The following PPM1G variants were observed in gnomAD, a reference collection of about 807,000 sequenced individuals.
PPM1G encodes the protein protein phosphatase 1G.
Under a neutral mutation model 59.4 loss-of-function variants are expected in PPM1G, and 12 were observed. The ratio of observed to expected loss-of-function variants is 0.20; its 90% CI spans 0.13 to 0.33. The LOEUF is 0.33. PPM1G is among the 10% of genes least tolerant of loss of function. PPM1G has a pLI of 1.00. For synonymous variants in PPM1G, 245 were observed against 251.9 expected (o/e 0.97, Z 0.26); for missense variants, 392 against 681.3 (o/e 0.58, Z 4.73).
At chr2:27,404,515 A>G (rs996552298) in intron 1 of PPM1G, among the ~76,000 whole-genome samples, 2 of 149,632 alleles carry the variant, frequency 1.3e-5, no homozygotes, top group Non-Finnish European at 3.0e-5. Context: ...AAGCCACTAC[A>G]CTCCAGCCCG....
chr2:27,387,396 A>C (rs1480389599), intron 1 of PPM1G, among the ~76,000 whole-genome samples: 1 of 152,188 alleles, frequency 6.6e-6, no homozygotes. Flanking sequence ...AATAACCTCA[A>C]CCTAGGAGAT....
rs907564160 is a variant in PPM1G at position 27,381,410 on chromosome 2, G to T, written c.*189C>A. The T allele has an allele frequency of 3.2e-6, 2 of 628,486 alleles. No homozygotes were observed. Among genetic ancestry groups the T allele is most frequent in the East Asian group, 5.5e-5 (2 of 36,050 alleles). The allele number at this position is 628,486 out of a possible 1,614,324, so 38.9% of individuals were successfully genotyped here. On this transcript the variant is annotated 3_prime_UTR_variant, in exon 10 of 10. Transcript: ENST00000344034. Reference sequence around the variant, plus strand: ...TGAGCCCGAGGAGCAGAGGCGGCTGGGAAGGACAGCAGAGGCTCCCGGCTG... The same window carrying T: ...TGAGCCCGAGGAGCAGAGGCGGCTGTGAAGGACAGCAGAGGCTCCCGGCTG...
rs1683753870 is a variant in PPM1G, at chr2:27,385,957, C to G, written c.277-78G>C. On this transcript the variant is annotated intron_variant, in intron 3 of 9. Coordinates refer to ENST00000344034, the MANE Select transcript of PPM1G (RefSeq NM_177983.3). The surrounding 1 kb of genome is among the most constrained non-coding windows in gnomAD (Gnocchi z 4.1). Reference sequence around the variant, plus strand: ...CAATCCTGAGCACAAGGATGGAATACAAATTAAGAGTGTGAGCCACCACAC... The same window carrying G: ...CAATCCTGAGCACAAGGATGGAATAGAAATTAAGAGTGTGAGCCACCACAC... The G allele has an allele frequency of 4.7e-6, 7 of 1,504,118 alleles. No individual in the cohort carries two copies. In the East Asian group the frequency reaches 1.6e-4, roughly 34 times the overall value. 93.2% of individuals were successfully genotyped at this position (1,504,118 alleles called of 1,614,324 possible).
At chr2:27,405,179 T>C (rs1014072849) in intron 1 of PPM1G, among the ~76,000 whole-genome samples, 2 of 149,942 alleles carry the variant, frequency 1.3e-5, no homozygotes, top group Non-Finnish European at 3.0e-5. Context: ...GTTCAAGCGA[T>C]TCTCCTGCCT....
At chr2:27,394,723 C>T (rs935188453) in intron 1 of PPM1G, among the ~76,000 whole-genome samples, 2 of 122,010 alleles carry the variant, frequency 1.6e-5, no homozygotes, top group Admixed American at 1.0e-4. Context: ...CGCCTGGTGA[C>T]AGAGTGAGAC....
In PPM1G at chr2:27,383,410, A is replaced by G. The variant is rs146853264; in HGVS notation, c.1157T>C (p.Met386Thr). The part of the protein sequence containing the change: ...RIKNAGGKVT[M>T]DGRVNGGLNL... ...GAGGCCCCCGTTGACTCGCCCATCCATGGTGACCTTGCCACCAGCATTCTT... is the reference window on the plus strand; with the variant it reads ...GAGGCCCCCGTTGACTCGCCCATCCGTGGTGACCTTGCCACCAGCATTCTT... Residue 386 changes from methionine (M) to threonine (T), a missense_variant, in exon 7 of 10, where the codon ATG (methionine) becomes ACG (threonine). Transcript: ENST00000344034. This position sits in a 1 kb window ranked among gnomAD's most constrained non-coding sequence, Gnocchi z 5.0. 11 of 1,614,064 alleles carry G rather than the reference A, an allele frequency of 6.8e-6. No individual in the cohort carries two copies. Among genetic ancestry groups the G allele is most frequent in the Non-Finnish European group, 9.3e-6 (11 of 1,180,050 alleles).
intron 1 of PPM1G, among the ~76,000 whole-genome samples, chr2:27,391,417 G>T (rs1424094100): frequency 6.6e-6 from 1 of 152,176 alleles, no homozygotes; most frequent in Non-Finnish European, 1.5e-5. Flanking sequence ...GTTCTAATTT[G>T]CATTTGTCTG....
intron 1 of PPM1G, among the ~76,000 whole-genome samples, chr2:27,401,500 T>C (rs1572668769): frequency 6.6e-6 from 1 of 152,158 alleles, no homozygotes; most frequent in East Asian, 1.9e-4. Context: ...CTAAAACTGA[T>C]TGTGGTGACA....
intron 1 of PPM1G, among the ~76,000 whole-genome samples, chr2:27,404,108 T>C (rs1025888657): frequency 6.6e-6 from 1 of 151,754 alleles, no homozygotes; most frequent in Admixed American, 6.6e-5. Context: ...AATTTTCTGC[T>C]CAATACTATC....
Position 27,381,445 on chromosome 2 carries a change from G to T in PPM1G, c.*154C>A. The stretch of plus-strand genomic sequence containing the variant: ...CAGAGGCTCCCGGCTGCAGTGTGGA[G>T]GGAGAGCCCTCTTTGGAATGGGCGG... On this transcript the variant is annotated 3_prime_UTR_variant, in exon 10 of 10. Coordinates refer to ENST00000344034, the MANE Select transcript of PPM1G (RefSeq NM_177983.3). 1.3e-6 allele frequency: 1 copy of T among 781,700 alleles called. No homozygotes were observed. 48.4% of individuals were successfully genotyped at this position (781,700 alleles called of 1,614,324 possible).
rs575428167 is a variant in PPM1G at position 27,401,554 on chromosome 2, G to A, written c.120+7749C>T. Reference sequence around the variant, plus strand: ...AATACACTACAAAACAGGCAGGCACGGTGGCTCATGCCTGTAATCCCAGCA... The same window carrying A: ...AATACACTACAAAACAGGCAGGCACAGTGGCTCATGCCTGTAATCCCAGCA... On this transcript the variant is annotated intron_variant, in intron 1 of 9. Transcript: ENST00000344034. Among the ~76,000 whole-genome samples the A allele has an allele frequency of 9.8e-5, 15 of 152,296 alleles. No homozygotes were observed. The South Asian group carries it at 2.7e-3, about 27-fold the overall frequency.
At chr2:27,390,778 A>G (rs1210980057) in intron 1 of PPM1G, among the ~76,000 whole-genome samples, 1 of 152,106 alleles carries the variant, frequency 6.6e-6, no homozygotes, top group Non-Finnish European at 1.5e-5. Context: ...ATAGTATCAA[A>G]TAGGTAGTTT....
At chr2:27,390,805 C>T (rs1019003234) in intron 1 of PPM1G, among the ~76,000 whole-genome samples, 1 of 152,058 alleles carries the variant, frequency 6.6e-6, no homozygotes, top group African/African-American at 2.4e-5. Context: ...TGTTCCTCTG[C>T]CACACAACCC....
chr2:27,387,180 C>T lies in PPM1G; in HGVS notation c.121-22G>A, dbSNP rs977887896. 1.0e-5 allele frequency: 16 copies of T among 1,591,118 alleles called. No homozygotes were observed. In the East Asian group the frequency reaches 1.6e-4, roughly 16 times the overall value. ...CATCCTAGGAAAAGAAGAGCATAAT[C>T]GGCATGTCTCAAGGTCGAAGAATAT... On this transcript the variant is annotated intron_variant, in intron 1 of 9. Coordinates refer to ENST00000344034, the MANE Select transcript of PPM1G (RefSeq NM_177983.3).
At chr2:27,407,476 A>G (rs1330984798) in intron 1 of PPM1G, among the ~76,000 whole-genome samples, 2 of 152,116 alleles carry the variant, frequency 1.3e-5, no homozygotes, top group Non-Finnish European at 2.9e-5. Context: ...CATGTTGCCC[A>G]GGCTGGTCTC....
intron 9 of PPM1G, 21 bp from the exon 10 acceptor site, chr2:27,381,826 G>C: frequency 6.2e-7 from 1 of 1,609,740 alleles, no homozygotes; most frequent in Non-Finnish European, 8.5e-7. Context: ...GATGGGGGTA[G>C]CTCAGCCACA....
chr2:27,382,689 T>A lies in PPM1G; in HGVS notation c.1202-84A>T. The stretch of plus-strand genomic sequence containing the variant: ...GGCAGGTCAAACCTTGCCATTCATT[T>A]CCCTTCTTTACAAAGTTCCATAATC... On this transcript the variant is annotated intron_variant, in intron 7 of 9. Coordinates refer to ENST00000344034, the MANE Select transcript of PPM1G (RefSeq NM_177983.3). The surrounding 1 kb of genome is among the most constrained non-coding windows in gnomAD (Gnocchi z 4.2). 1 of 1,532,514 alleles carries A rather than the reference T, an allele frequency of 6.5e-7. No individual in the cohort carries two copies. The highest frequency in any genetic ancestry group is 1.2e-5 in the South Asian group (1 of 85,468). The allele number at this position is 1,532,514 out of a possible 1,614,324, so 94.9% of individuals were successfully genotyped here. A position where few individuals can be genotyped will look rare whatever the true frequency, so the allele number is the denominator to read the frequency against.
chr2:27,392,683 TG>T, intron 1 of PPM1G: 1 of 745,086 alleles, frequency 1.3e-6, no homozygotes, highest in Non-Finnish European at 2.4e-6. Context: ...GTGGGTGTCT[TG>T]GAACAACTTA....
Position 27,385,740 on chromosome 2 carries a change from C to A in PPM1G, c.409+7G>T. 1 of 1,608,468 alleles carries A rather than the reference C, an allele frequency of 6.2e-7. No individual in the cohort carries two copies. Among genetic ancestry groups the A allele is most frequent in the Admixed American group, 1.7e-5 (1 of 58,300 alleles). On this transcript the variant is annotated splice_region_variant and intron_variant, in intron 4 of 9. Coordinates refer to ENST00000344034, the MANE Select transcript of PPM1G (RefSeq NM_177983.3). The surrounding 1 kb of genome is among the most constrained non-coding windows in gnomAD (Gnocchi z 4.1). ...ATTTCCCCTCAAACAAGGGATGCCA[C>A]ACTCACCATCATCTTCATCAGCTAC...
Sources: allele counts gnomAD v4.1 joint callset (sites outside exome capture counted in the v4.1 genomes callset), GRCh38; gene constraint gnomAD v4.1.1; non-coding constraint Gnocchi (gnomAD v3.1); transcripts MANE v1.5; gene names NCBI Gene and HGNC (gene_info 2026-07-23, HGNC 2026-07-21).